The following IGF2R variants were observed in gnomAD, a reference collection of about 807,000 sequenced individuals.
IGF2R encodes insulin like growth factor 2 receptor.
A neutral mutation model predicts 270.6 loss-of-function variants in IGF2R; 91 were observed. That is an observed-to-expected ratio of 0.34 (90% CI 0.28 to 0.40). IGF2R has a LOEUF of 0.40. Ranked by LOEUF, IGF2R falls within the 10% of genes least tolerant of loss-of-function variation. The pLI is 1.00. For missense variants in IGF2R, 2,805 were observed against 3,188.3 expected (o/e 0.88, Z 2.90); for synonymous variants, 1,316 against 1,258.9 (o/e 1.05, Z -0.96).
intron 10 of IGF2R, among the ~76,000 whole-genome samples, chr6:160,037,314 T>TA (rs765865511): frequency 2.0e-5 from 3 of 152,264 alleles, no homozygotes; most frequent in South Asian, 2.1e-4. Context: ...AAAAAATACT[T>TA]ACATTTCCTT....
intron 1 of IGF2R, among the ~76,000 whole-genome samples, chr6:159,978,122 A>G (rs995365218): frequency 2.0e-5 from 3 of 152,162 alleles, no homozygotes; most frequent in Non-Finnish European, 2.9e-5. Context: ...TGCCTCAACC[A>G]GAGAGCATTT....
At chr6:160,010,901 T>C (rs954999855) in intron 4 of IGF2R, 116 bp downstream of exon 4, 7 of 634,162 alleles carry the variant, frequency 1.1e-5, no homozygotes, top group Admixed American at 5.5e-5. Flanking sequence ...CAAATTGCAT[T>C]TGAGCAGAGA....
At chr6:160,033,918 T>A (rs558158661) in intron 9 of IGF2R, among the ~76,000 whole-genome samples, 2 of 152,310 alleles carry the variant, frequency 1.3e-5, no homozygotes, top group South Asian at 4.1e-4. Flanking sequence ...CAGTTACGAT[T>A]CAAAAATTAG....
intron 30 of IGF2R, among the ~76,000 whole-genome samples, chr6:160,069,641 C>G (rs553720228): frequency 3.3e-5 from 5 of 152,360 alleles, no homozygotes; most frequent in South Asian, 4.1e-4. Context: ...TCTACACTCA[C>G]GCCCGCCTGC....
At chr6:160,057,997 CT>C in intron 20 of IGF2R, 25 bp from the exon 21 acceptor site, 1 of 1,505,122 alleles carries the variant, frequency 6.6e-7, no homozygotes, top group Admixed American at 1.7e-5. Context: ...GAATGCGCCC[CT>C]TTTTCCCCAT....
intron 2 of IGF2R, among the ~76,000 whole-genome samples, chr6:159,997,062 C>T (rs1480731137): frequency 1.3e-5 from 2 of 152,208 alleles, no homozygotes; most frequent in African/African-American, 4.8e-5. Flanking sequence ...ACTGAGACCA[C>T]CTGGCTCCTG....
At chr6:160,099,906 G>A (rs1779445716) in intron 45 of IGF2R, among the ~76,000 whole-genome samples, 1 of 152,272 alleles carries the variant, frequency 6.6e-6, no homozygotes, top group African/African-American at 2.4e-5. Context: ...AATGAAGGAA[G>A]GAAGAAAAGG....
In IGF2R at chr6:160,048,650, G is replaced by A. The variant is rs1016458025; in HGVS notation, c.2514+107G>A. On this transcript the variant is annotated intron_variant, in intron 18 of 47. Coordinates refer to ENST00000356956, the MANE Select transcript of IGF2R (RefSeq NM_000876.4). ...CAGATCAAAGGCAGCACAGCTGCTC[G>A]AGAGAAACCCTCTGAGTAGGAGTGG... The A allele has an allele frequency of 5.3e-6, 6 of 1,138,570 alleles. No homozygotes were observed. The South Asian group carries it at 6.2e-5, about 12-fold the overall frequency. The allele number at this position is 1,138,570 out of a possible 1,614,324, so 70.5% of individuals were successfully genotyped here.
chr6:160,093,397 C>T lies in IGF2R; in HGVS notation c.6656-3042C>T, dbSNP rs566880776. The T allele has an allele frequency of 9.4e-5, 28 of 298,584 alleles. No individual in the cohort carries two copies. The South Asian group carries it at 1.2e-3, about 12-fold the overall frequency. The allele number at this position is 298,584 out of a possible 1,614,324, so 18.5% of individuals were successfully genotyped here. ...CCTCTTGTTGCCGTTGCTTCTGTTCCTGGAGGAGCTCCTGGCACAGTGATG... is the reference window on the plus strand; with the variant it reads ...CCTCTTGTTGCCGTTGCTTCTGTTCTTGGAGGAGCTCCTGGCACAGTGATG... On this transcript the variant is annotated intron_variant, in intron 44 of 47. Transcript: ENST00000356956.
Position 160,070,003 on chromosome 6 carries a change from A to G in IGF2R, c.4388A>G (p.Asp1463Gly), listed in dbSNP as rs761164003. The G allele has an allele frequency of 5.0e-6, 8 of 1,614,140 alleles. No homozygotes were observed. Among genetic ancestry groups the G allele is most frequent in the Non-Finnish European group, 6.8e-6 (8 of 1,180,060 alleles). The change falls in exon 31 of 48, where the codon GAT (aspartate) becomes GGT (glycine). Residue 1463 changes from aspartate to glycine, a missense_variant. By Grantham distance (94) the Asp-to-Gly change is moderately conservative. Around this residue, in one of 2 missense-constraint regions of IGF2R, gnomAD observed 1,851 missense variants for 2,207.2 expected, o/e 0.84. Transcript: ENST00000356956. ...TACGTTGATGGCGACTTATGTCCAGATGGGATTCGGAAAAAGTCAACCACC... is the reference window on the plus strand; with the variant it reads ...TACGTTGATGGCGACTTATGTCCAGGTGGGATTCGGAAAAAGTCAACCACC... ...LKYVDGDLCP[D>G]GIRKKSTTIR...
rs1393955697 is a variant in IGF2R at position 160,047,890 on chromosome 6, G to C, written c.2328G>C (p.Glu776Asp). 6.2e-7 allele frequency: 1 copy of C among 1,611,696 alleles called. No homozygotes were observed. The highest frequency in any genetic ancestry group is 1.3e-5 in the African/African-American group (1 of 74,870). Residue 776 changes from glutamate to aspartate, a missense_variant, in exon 17 of 48, where the codon GAG (glutamate) becomes GAC (aspartate). Transcript: ENST00000356956. ...TAGTGACCGACCCCTCCACGCTGGA[G>C]CAGTACGACCTCTCCAGGTGAGGCA... ...ECVVTDPSTL[E>D]QYDLSSLAKS... is the part of the protein sequence containing the mutation.
In IGF2R at chr6:160,004,138, C is replaced by T. The variant is rs918642359; in HGVS notation, c.290-4872C>T. On this transcript the variant is annotated intron_variant, in intron 2 of 47. Coordinates refer to ENST00000356956, the MANE Select transcript of IGF2R (RefSeq NM_000876.4). The surrounding 1 kb of genome is among the most constrained non-coding windows in gnomAD (Gnocchi z 5.2). ...CGTGAATAGTATATGTTGAAGGAAA[C>T]GCTAAGTGGGTGGTGCAGGGGAGAG... is the stretch of plus-strand genomic sequence containing the variant. 4.6e-5 allele frequency: 7 copies of T among 151,550 alleles called. No individual in the cohort carries two copies. Among genetic ancestry groups the T allele is most frequent in the Non-Finnish European group, 7.4e-5 (5 of 67,950 alleles). The allele number at this position is 151,550 out of a possible 1,614,324, so 9.4% of individuals were successfully genotyped here.
intron 4 of IGF2R, among the ~76,000 whole-genome samples, chr6:160,012,498 C>T (rs530484573): frequency 7.9e-5 from 12 of 152,134 alleles, no homozygotes; most frequent in Admixed American, 1.3e-4. Flanking sequence ...GAGCACCTCA[C>T]GTGGCCAGAG....
intron 4 of IGF2R, among the ~76,000 whole-genome samples, chr6:160,012,780 T>TATATATATATATATATATA (rs1784358825): frequency 7.1e-6 from 1 of 141,516 alleles, no homozygotes; most frequent in East Asian, 2.3e-4. Flanking sequence ...TTTTTTTTTG[T>TATATATATATATATATATA]TTGTTTGTTT....
intron 10 of IGF2R, among the ~76,000 whole-genome samples, chr6:160,039,988 G>A (rs1444531760): frequency 1.3e-5 from 2 of 152,204 alleles, no homozygotes; most frequent in African/African-American, 4.8e-5. Context: ...ACTGTTTGGA[G>A]TTGTGCTGCT....
At position 160,050,412 on chromosome 6, in the gene IGF2R, C is replaced by A; in HGVS notation, c.2515-61C>A. ...GCAGCTTTATAGAATGTAACCACCA[C>A]CAATAACGAATCGACTGTATCTTCA... is the stretch of plus-strand genomic sequence containing the variant. On this transcript the variant is annotated intron_variant, in intron 18 of 47. Coordinates refer to ENST00000356956, the MANE Select transcript of IGF2R (RefSeq NM_000876.4). This position sits in a 1 kb window ranked among gnomAD's most constrained non-coding sequence, Gnocchi z 4.0. The A allele has an allele frequency of 6.7e-7, 1 of 1,487,842 alleles. No individual in the cohort carries two copies. The highest frequency in any genetic ancestry group is 9.2e-7 in the Non-Finnish European group (1 of 1,085,398). 92.2% of individuals were successfully genotyped at this position (1,487,842 alleles called of 1,614,324 possible). A position where few individuals can be genotyped will look rare whatever the true frequency, so the allele number is the denominator to read the frequency against.
chr6:160,093,957 G>A (rs1407486143), intron 44 of IGF2R: 3 of 690,476 alleles, frequency 4.3e-6, no homozygotes, highest in Admixed American at 3.6e-5. Context: ...TGGAGAAGGT[G>A]GATGTAGAAC....
intron 5 of IGF2R, among the ~76,000 whole-genome samples, chr6:160,026,575 G>A (rs1307678843): frequency 6.6e-6 from 1 of 152,190 alleles, no homozygotes; most frequent in East Asian, 1.9e-4. Flanking sequence ...GTAAGGTATT[G>A]AGTCATGGTC....
chr6:160,033,967 G>A (rs1010543586), intron 9 of IGF2R, among the ~76,000 whole-genome samples: 3 of 152,194 alleles, frequency 2.0e-5, no homozygotes, highest in African/African-American at 7.2e-5. Flanking sequence ...TGGTCTTTGA[G>A]CTTTTTAAAA....
Sources: gnomAD v4.1 joint callset for allele counts (sites outside exome capture counted in the v4.1 genomes callset) on GRCh38, gnomAD v4.1.1 for gene constraint, gnomAD v4.1.1 regional missense constraint, Gnocchi (gnomAD v3.1) non-coding constraint, MANE v1.5 for transcripts, NCBI Gene and HGNC (gene_info 2026-07-23, HGNC 2026-07-21) for gene names.